Variants in ADGRB3 observed in about 807,000 individuals in gnomAD.
ADGRB3 encodes brain-specific angiogenesis inhibitor 3.
A neutral mutation model predicts 193.4 loss-of-function variants in ADGRB3; 37 were observed. The ratio of observed to expected loss-of-function variants is 0.19; its 90% CI spans 0.15 to 0.25. ADGRB3 has a LOEUF of 0.25. Ranked by LOEUF, ADGRB3 falls within the 10% of genes least tolerant of loss-of-function variation. The pLI, the probability that ADGRB3 is intolerant of heterozygous loss-of-function variation, is 1.00. For missense variants in ADGRB3, 1,637 were observed against 1,852.9 expected, an observed-to-expected ratio of 0.88 and a Z score of 2.14; for synonymous variants, 690 against 644.2, an observed-to-expected ratio of 1.07 and a Z score of -1.08.
At chr6:69,153,176 A>G (rs1431299152) in intron 17 of ADGRB3, among the ~76,000 whole-genome samples, 1 of 152,186 alleles carries the variant, frequency 6.6e-6, no homozygotes, top group Non-Finnish European at 1.5e-5. Flanking sequence ...TTAAAAAGTA[A>G]GAAAAGTTTT....
At chr6:69,147,953 C>T (rs1774552385) in intron 17 of ADGRB3, among the ~76,000 whole-genome samples, 2 of 151,986 alleles carry the variant, frequency 1.3e-5, no homozygotes, top group South Asian at 4.1e-4. Context: ...ACAACTACTC[C>T]TTCTCTTTTT....
chr6:68,845,179 T>A (rs1360658074), intron 3 of ADGRB3, among the ~76,000 whole-genome samples: 1 of 152,200 alleles, frequency 6.6e-6, no homozygotes, highest in Non-Finnish European at 1.5e-5. Flanking sequence ...ATGATGTGAC[T>A]ATTATACACT....
intron 3 of ADGRB3, among the ~76,000 whole-genome samples, chr6:68,735,364 A>G (rs952987738): frequency 6.6e-6 from 1 of 151,970 alleles, no homozygotes; most frequent in African/African-American, 2.4e-5. Context: ...AATAGAGAAT[A>G]AAGTGATGAT....
intron 4 of ADGRB3, among the ~76,000 whole-genome samples, chr6:68,936,257 C>G (rs1236201598): frequency 6.6e-6 from 1 of 152,108 alleles, no homozygotes; most frequent in Non-Finnish European, 1.5e-5. Context: ...TCATTAGTTC[C>G]TTCATAGTGT....
intron 6 of ADGRB3, among the ~76,000 whole-genome samples, chr6:68,955,002 A>T (rs1187628853): frequency 2.0e-5 from 3 of 152,042 alleles, no homozygotes; most frequent in African/African-American, 7.2e-5. Context: ...AATATCCAAA[A>T]TCCTTAACAC....
At chr6:68,682,882 A>G (rs1156794163) in intron 3 of ADGRB3, among the ~76,000 whole-genome samples, 1 of 150,966 alleles carries the variant, frequency 6.6e-6, no homozygotes, top group Non-Finnish European at 1.5e-5. Context: ...GGTTCAAGTG[A>G]TTCTCCTGCC....
At chr6:68,669,389 C>G (rs931686260) in intron 3 of ADGRB3, among the ~76,000 whole-genome samples, 2 of 151,556 alleles carry the variant, frequency 1.3e-5, no homozygotes, top group Non-Finnish European at 2.9e-5. Context: ...ACCCCTCAAT[C>G]CCCCACTACC....
intron 15 of ADGRB3, among the ~76,000 whole-genome samples, chr6:69,062,052 G>A (rs1244915266): frequency 4.6e-5 from 7 of 151,862 alleles, no homozygotes; most frequent in East Asian, 3.9e-4. Flanking sequence ...GTACATGACC[G>A]ATGGAAGAGC....
chr6:69,264,430 C>T (rs886519235), intron 20 of ADGRB3, among the ~76,000 whole-genome samples: 1 of 151,866 alleles, frequency 6.6e-6, no homozygotes. Flanking sequence ...GTCTTCTTAG[C>T]TATATCTTTT....
chr6:68,766,488 G>A (rs1040677290), intron 3 of ADGRB3, among the ~76,000 whole-genome samples: 14 of 151,844 alleles, frequency 9.2e-5, no homozygotes, highest in African/African-American at 2.7e-4. Flanking sequence ...ATCTTGAATT[G>A]CAGATCTTAT....
chr6:69,273,370 T>G (rs1308570704), intron 20 of ADGRB3, among the ~76,000 whole-genome samples: 7 of 152,294 alleles, frequency 4.6e-5, no homozygotes, highest in African/African-American at 1.2e-4. Context: ...ACTAGTGATT[T>G]TATTGGCCAC....
intron 20 of ADGRB3, among the ~76,000 whole-genome samples, chr6:69,247,917 G>T (rs1766534570): frequency 6.6e-6 from 1 of 151,958 alleles, no homozygotes; most frequent in Non-Finnish European, 1.5e-5. Context: ...TTGTATTGTT[G>T]CCATTTTATG....
At chr6:68,917,422 T>C (rs954826813) in intron 3 of ADGRB3, among the ~76,000 whole-genome samples, 3 of 152,228 alleles carry the variant, frequency 2.0e-5, no homozygotes, top group Non-Finnish European at 4.4e-5. Context: ...AACAATATAG[T>C]TGATTTATTT....
intron 26 of ADGRB3, among the ~76,000 whole-genome samples, chr6:69,348,279 C>T (rs904088748): frequency 7.9e-5 from 12 of 152,110 alleles, no homozygotes; most frequent in Non-Finnish European, 1.5e-4. Context: ...ACCCACAGCT[C>T]TTCTGCAGGA....
chr6:69,222,090 C>A (rs1205680976), intron 17 of ADGRB3, among the ~76,000 whole-genome samples: 2 of 152,102 alleles, frequency 1.3e-5, no homozygotes, highest in Non-Finnish European at 2.9e-5. Context: ...TCTTCCAAAT[C>A]TGGGCTCAGG....
chr6:69,205,928 G>A (rs1765527690), intron 17 of ADGRB3, among the ~76,000 whole-genome samples: 1 of 150,598 alleles, frequency 6.6e-6, no homozygotes, highest in African/African-American at 2.4e-5. Flanking sequence ...TGGGACTACA[G>A]GCATGGATCA....
At chr6:69,378,143 G>A (rs1006445059) in intron 30 of ADGRB3, among the ~76,000 whole-genome samples, 1 of 151,928 alleles carries the variant, frequency 6.6e-6, no homozygotes, top group Admixed American at 6.6e-5. Context: ...AATTGTCCAG[G>A]AACTGTTCAG....
intron 17 of ADGRB3, among the ~76,000 whole-genome samples, chr6:69,131,546 C>G (rs879708328): frequency 9.2e-5 from 14 of 151,992 alleles, no homozygotes; most frequent in Non-Finnish European, 1.9e-4. Flanking sequence ...ATACTGTATA[C>G]TAAATACTAT....
chr6:69,252,218 G>T (rs184264503), intron 20 of ADGRB3, among the ~76,000 whole-genome samples: 8 of 152,186 alleles, frequency 5.3e-5, no homozygotes, highest in Non-Finnish European at 2.9e-5. Flanking sequence ...CAACTATATT[G>T]TTGTATGTAT....
Sources: gnomAD v4.1 joint callset for allele counts (sites outside exome capture counted in the v4.1 genomes callset) on GRCh38, gnomAD v4.1.1 for gene constraint, MANE v1.5 for transcripts, NCBI Gene and HGNC (gene_info 2026-07-23, HGNC 2026-07-21) for gene names.